The following KIF6 variants were observed in gnomAD, a reference collection of about 807,000 sequenced individuals.
KIF6 encodes kinesin-like protein KIF6.
KIF6 carries 106 observed loss-of-function variants against 112.7 expected under a neutral mutation model. The ratio of observed to expected loss-of-function variants is 0.94; its 90% CI spans 0.80 to 1.11. The LOEUF (loss-of-function observed/expected upper bound fraction) is 1.11. Among genes scored for constraint, KIF6 ranks in the 50% least tolerant of loss-of-function variants. The probability of loss-of-function intolerance (pLI) is 0.00; values close to 1 mark genes in which losing one functional copy is unlikely to be tolerated. For missense variants in KIF6, 929 were observed against 964.0 expected, an observed-to-expected ratio of 0.96 and a Z score of 0.48; for synonymous variants, 339 against 339.9, an observed-to-expected ratio of 1.00 and a Z score of 0.03.
chr6:39,615,782 C>T (rs1274804363), intron 5 of KIF6, among the ~76,000 whole-genome samples: 2 of 152,118 alleles, frequency 1.3e-5, no homozygotes, highest in African/African-American at 2.4e-5. Flanking sequence ...CCTGAAGACA[C>T]TGATGAGTCA....
At chr6:39,340,123 G>A (rs1227868590) in intron 22 of KIF6, among the ~76,000 whole-genome samples, 6 of 152,302 alleles carry the variant, frequency 3.9e-5, no homozygotes, top group Admixed American at 1.3e-4. Context: ...GAGAGGTCAC[G>A]CCTGCTGGCC....
At chr6:39,647,882 T>C (rs1423172860) in intron 3 of KIF6, among the ~76,000 whole-genome samples, 1 of 151,930 alleles carries the variant, frequency 6.6e-6, no homozygotes, top group Non-Finnish European at 1.5e-5. Context: ...CAGCTAATTT[T>C]GGTATTTTTG....
At chr6:39,552,359 T>G (rs1049843058) in intron 10 of KIF6, among the ~76,000 whole-genome samples, 3 of 152,204 alleles carry the variant, frequency 2.0e-5, no homozygotes, top group African/African-American at 7.2e-5. Flanking sequence ...CAATATCCAT[T>G]AAAACATGTC....
intron 1 of KIF6, among the ~76,000 whole-genome samples, chr6:39,721,749 A>G (rs1790230017): frequency 6.6e-6 from 1 of 151,956 alleles, no homozygotes; most frequent in African/African-American, 2.4e-5. Context: ...CAAATGATGT[A>G]ATGGAAATCA....
chr6:39,697,835 A>C (rs1378766849), intron 3 of KIF6, among the ~76,000 whole-genome samples: 1 of 152,158 alleles, frequency 6.6e-6, no homozygotes, highest in Non-Finnish European at 1.5e-5. Flanking sequence ...GGCATGAGCC[A>C]CCGTGCCCGG....
intron 3 of KIF6, among the ~76,000 whole-genome samples, chr6:39,687,410 A>G (rs1026580005): frequency 1.3e-5 from 2 of 152,238 alleles, no homozygotes; most frequent in South Asian, 4.1e-4. Flanking sequence ...TATTTTAAAG[A>G]GAATACTTAG....
intron 5 of KIF6, among the ~76,000 whole-genome samples, chr6:39,629,333 T>C (rs928891461): frequency 6.6e-6 from 1 of 152,070 alleles, no homozygotes; most frequent in Non-Finnish European, 1.5e-5. Flanking sequence ...CTTGCCAGCA[T>C]TTGGTGTTAG....
chr6:39,559,920 ACT>A (rs956588927), intron 10 of KIF6, among the ~76,000 whole-genome samples: 6 of 152,192 alleles, frequency 3.9e-5, no homozygotes, highest in Non-Finnish European at 7.4e-5. Flanking sequence ...AAAAATATAA[ACT>A]CTGATCATAT....
chr6:39,565,196 A>G (rs565167566), intron 10 of KIF6, among the ~76,000 whole-genome samples: 2 of 118,376 alleles, frequency 1.7e-5, no homozygotes, highest in African/African-American at 4.7e-5. Context: ...CTATACAGAC[A>G]GTTATTTGGA....
At chr6:39,508,575 G>C (rs965721260) in intron 13 of KIF6, among the ~76,000 whole-genome samples, 1 of 152,120 alleles carries the variant, frequency 6.6e-6, no homozygotes, top group African/African-American at 2.4e-5. Context: ...TGGCTGGCTC[G>C]GTGGGTCCCA....
At chr6:39,632,870 T>C (rs1784432164) in intron 5 of KIF6, among the ~76,000 whole-genome samples, 1 of 152,188 alleles carries the variant, frequency 6.6e-6, no homozygotes, top group African/African-American at 2.4e-5. Context: ...TCTGCCTGCC[T>C]TGGCCTCCCA....
intron 9 of KIF6, chr6:39,583,285 G>A (rs1314439401): frequency 2.5e-6 from 1 of 405,482 alleles, no homozygotes; most frequent in African/African-American, 2.1e-5. Flanking sequence ...TAGGGCTTCT[G>A]GAAGGGTAGG....
At chr6:39,354,776 T>G (rs1764512842) in intron 19 of KIF6, among the ~76,000 whole-genome samples, 2 of 152,220 alleles carry the variant, frequency 1.3e-5, no homozygotes, top group Non-Finnish European at 2.9e-5. Flanking sequence ...TTTCATTAAT[T>G]TCAACAGTCT....
chr6:39,443,738 C>T (rs1027449472), intron 13 of KIF6, among the ~76,000 whole-genome samples: 1 of 152,028 alleles, frequency 6.6e-6, no homozygotes, highest in Non-Finnish European at 1.5e-5. Flanking sequence ...GCCACCATGC[C>T]TGGTCAATTT....
chr6:39,565,979 T>C (rs2150606261), intron 10 of KIF6, among the ~76,000 whole-genome samples: 1 of 152,330 alleles, frequency 6.6e-6, no homozygotes, highest in Non-Finnish European at 1.5e-5. Flanking sequence ...TGCAGAGAAT[T>C]CCACCTGGCA....
intron 9 of KIF6, among the ~76,000 whole-genome samples, chr6:39,582,757 C>T (rs956653279): frequency 6.6e-6 from 1 of 152,154 alleles, no homozygotes; most frequent in Non-Finnish European, 1.5e-5. Context: ...AAATCCTTAT[C>T]GGCTGGCTCC....
At chr6:39,421,196 C>G (rs1021635064) in intron 14 of KIF6, among the ~76,000 whole-genome samples, 1 of 152,162 alleles carries the variant, frequency 6.6e-6, no homozygotes, top group Non-Finnish European at 1.5e-5. Context: ...GGCCTGTCCA[C>G]GAGTGAGCGG....
chr6:39,351,874 CT>C (rs1764269237), intron 19 of KIF6, among the ~76,000 whole-genome samples: 1 of 152,196 alleles, frequency 6.6e-6, no homozygotes, highest in Admixed American at 6.5e-5. Context: ...CTGAATCCTC[CT>C]CGTTGTGTTT....
chr6:39,659,051 G>A (rs1785971043), intron 3 of KIF6, among the ~76,000 whole-genome samples: 1 of 152,154 alleles, frequency 6.6e-6, no homozygotes, highest in South Asian at 2.1e-4. Context: ...ACTCATTCTA[G>A]TATTAAATAG....
Sources: allele counts gnomAD v4.1 joint callset (sites outside exome capture counted in the v4.1 genomes callset), GRCh38; gene constraint gnomAD v4.1.1; transcripts MANE v1.5; gene names NCBI Gene and HGNC (gene_info 2026-07-23, HGNC 2026-07-21).